The following NR5A2 variants were observed in gnomAD, a reference collection of about 807,000 sequenced individuals.
The protein encoded by NR5A2 is nuclear receptor subfamily 5 group A member 2.
In NR5A2, 26 loss-of-function variants were observed where a neutral mutation model predicts 62.7. The ratio of observed to expected loss-of-function variants is 0.41; its 90% CI spans 0.30 to 0.58. The LOEUF (loss-of-function observed/expected upper bound fraction) is 0.58. Ranked by LOEUF, NR5A2 falls within the 20% of genes least tolerant of loss-of-function variation. The pLI, the probability that NR5A2 is intolerant of heterozygous loss-of-function variation, is 0.22. For missense variants in NR5A2, 541 were observed against 669.1 expected (o/e 0.81, Z 2.11); for synonymous variants, 246 against 241.7 (o/e 1.02, Z -0.16).
intron 7 of NR5A2, among the ~76,000 whole-genome samples, chr1:200,129,938 C>T (rs1189614397): frequency 6.6e-6 from 1 of 152,178 alleles, no homozygotes; most frequent in African/African-American, 2.4e-5. Flanking sequence ...TCTGAGTGCT[C>T]CCTTCCCTCA....
intron 5 of NR5A2, among the ~76,000 whole-genome samples, chr1:200,070,404 G>C (rs772849331): frequency 7.2e-5 from 11 of 152,020 alleles, no homozygotes; most frequent in Non-Finnish European, 1.3e-4. Context: ...TAAATGAAAT[G>C]ATCAGCCAGG....
intron 5 of NR5A2, among the ~76,000 whole-genome samples, chr1:200,108,422 A>T (rs2102287978): frequency 6.6e-6 from 1 of 152,118 alleles, no homozygotes; most frequent in African/African-American, 2.4e-5. Context: ...CCTTCTGTTC[A>T]TGGCCAGAAG....
At position 200,089,619 on chromosome 1, in the gene NR5A2, G is replaced by C. The variant is rs541334574; in HGVS notation, c.1111-21583G>C. On this transcript the variant is annotated intron_variant, in intron 5 of 7. Transcript: ENST00000367362. The stretch of plus-strand genomic sequence containing the variant: ...TGAGTAGCTGAGACTATAGGCGTGT[G>C]CCACCAAGCCCAGCTACTTCTTGTA... Among the ~76,000 whole-genome samples the C allele has an allele frequency of 3.9e-5, 6 of 152,180 alleles. No homozygotes were observed. In the South Asian group the frequency reaches 1.2e-3, roughly 32 times the overall value.
chr1:200,077,822 A>G (rs1360680464), intron 5 of NR5A2, among the ~76,000 whole-genome samples: 5 of 152,220 alleles, frequency 3.3e-5, no homozygotes, highest in Non-Finnish European at 7.3e-5. Context: ...ATGGTACGTC[A>G]GTCTGGATGA....
intron 5 of NR5A2, among the ~76,000 whole-genome samples, chr1:200,066,895 A>G (rs1471697928): frequency 1.3e-5 from 2 of 152,194 alleles, no homozygotes; most frequent in African/African-American, 2.4e-5. Context: ...TCTATTTTAA[A>G]GTTTGGCAGT....
chr1:200,028,007 T>C lies in NR5A2; in HGVS notation c.64+96T>C, dbSNP rs1037300977. On this transcript the variant is annotated intron_variant, in intron 1 of 7. Transcript: ENST00000367362. ...TGGATTTTGCATTTTAAGTCATGGCTTTTCCTATTATGTTTATTAAAAGCA... is the reference window on the plus strand; with the variant it reads ...TGGATTTTGCATTTTAAGTCATGGCCTTTCCTATTATGTTTATTAAAAGCA... The C allele has an allele frequency of 3.8e-6, 3 of 783,246 alleles. No individual in the cohort carries two copies. In the African/African-American group the frequency reaches 5.3e-5, roughly 14 times the overall value. The allele number at this position is 783,246 out of a possible 1,614,324, so 48.5% of individuals were successfully genotyped here. A position where few individuals can be genotyped will look rare whatever the true frequency, so the allele number is the denominator to read the frequency against.
chr1:200,125,068 C>A (rs1036410648), intron 7 of NR5A2, among the ~76,000 whole-genome samples: 1 of 152,126 alleles, frequency 6.6e-6, no homozygotes, highest in Admixed American at 6.5e-5. Context: ...ATAAATAACT[C>A]CTCAAAATTA....
intron 1 of NR5A2, among the ~76,000 whole-genome samples, chr1:200,031,351 A>T (rs933422783): frequency 1.3e-5 from 2 of 152,032 alleles, no homozygotes; most frequent in South Asian, 2.1e-4. Context: ...AAAAAATAAA[A>T]AAATAAATAA....
intron 1 of NR5A2, among the ~76,000 whole-genome samples, chr1:200,033,121 G>T (rs754241514): frequency 1.3e-5 from 2 of 152,170 alleles, no homozygotes; most frequent in Non-Finnish European, 1.5e-5. Context: ...TGGGACAAAG[G>T]CACTTCTGGT....
chr1:200,128,952 T>C (rs981545368), intron 7 of NR5A2, among the ~76,000 whole-genome samples: 3 of 152,252 alleles, frequency 2.0e-5, no homozygotes, highest in African/African-American at 7.2e-5. Context: ...TTTTTCTTAT[T>C]TGAATTTTGT....
intron 7 of NR5A2, among the ~76,000 whole-genome samples, chr1:200,169,339 C>A (rs1199216253): frequency 1.3e-5 from 2 of 151,996 alleles, no homozygotes; most frequent in Non-Finnish European, 1.5e-5. Flanking sequence ...AAGATAATTA[C>A]CTTATCAGCA....
At chr1:200,084,598 C>T (rs1007766814) in intron 5 of NR5A2, among the ~76,000 whole-genome samples, 4 of 152,074 alleles carry the variant, frequency 2.6e-5, no homozygotes, top group Admixed American at 2.6e-4. Context: ...CTAAATGAGA[C>T]CCATTATGTA....
chr1:200,050,545 C>T (rs147055127), intron 5 of NR5A2, among the ~76,000 whole-genome samples: 1,564 of 152,038 alleles, frequency 0.01, 10 homozygotes, highest in South Asian at 0.016. Flanking sequence ...CACCCAGTAC[C>T]GGGAGTCTGG....
chr1:200,029,134 T>G (rs773339643), intron 1 of NR5A2: 7 of 437,680 alleles, frequency 1.6e-5, no homozygotes, highest in Non-Finnish European at 3.2e-5. Flanking sequence ...AGGCAAGGAG[T>G]CCTTCCCGGC....
intron 7 of NR5A2, among the ~76,000 whole-genome samples, chr1:200,168,701 T>C (rs1654030009): frequency 6.6e-6 from 1 of 152,134 alleles, no homozygotes; most frequent in Admixed American, 6.6e-5. Flanking sequence ...AGCACCAAAA[T>C]TATCCTGCCC....
intron 5 of NR5A2, among the ~76,000 whole-genome samples, chr1:200,052,280 C>G (rs528886127): frequency 6.6e-6 from 1 of 152,300 alleles, no homozygotes; most frequent in African/African-American, 2.4e-5. Context: ...AGTCCCCACC[C>G]TATCTTTCTG....
chr1:200,098,426 T>G (rs1015870880), intron 5 of NR5A2, among the ~76,000 whole-genome samples: 2 of 152,252 alleles, frequency 1.3e-5, no homozygotes, highest in African/African-American at 2.4e-5. Context: ...ATCATTAATG[T>G]ATTTCTTTGC....
At chr1:200,136,129 G>A (rs1667209715) in intron 7 of NR5A2, among the ~76,000 whole-genome samples, 3 of 152,072 alleles carry the variant, frequency 2.0e-5, no homozygotes, top group African/African-American at 7.2e-5. Flanking sequence ...TTCCTAGGTT[G>A]GTGCAGGCCC....
chr1:200,174,197 C>A lies in NR5A2; in HGVS notation c.1613C>A (p.Ala538Asp). 6.3e-7 allele frequency: 1 copy of A among 1,590,142 alleles called. No individual in the cohort carries two copies. The highest frequency in any genetic ancestry group is 8.6e-7 in the Non-Finnish European group (1 of 1,166,548). Residue 538 changes from alanine to aspartate, a missense_variant, in exon 8 of 8, where the codon GCC becomes GAC. By Grantham distance (126) the Ala-to-Asp change is moderately radical (BLOSUM62 -2). This residue lies in a region of NR5A2 where 379 missense variants were observed against 442.0 expected (regional missense o/e 0.86). Coordinates refer to ENST00000367362, the MANE Select transcript of NR5A2 (RefSeq NM_205860.3). ...YNNLLIEMLH[A>D]KRA is the part of the protein sequence containing the mutation. Reference sequence around the variant, plus strand: ...AACCTTCTCATTGAAATGTTGCATGCCAAAAGAGCATAAGTTACAACCCCT... The same window carrying A: ...AACCTTCTCATTGAAATGTTGCATGACAAAAGAGCATAAGTTACAACCCCT...
Sources: gnomAD v4.1 joint callset for allele counts (sites outside exome capture counted in the v4.1 genomes callset) on GRCh38, gnomAD v4.1.1 for gene constraint, gnomAD v4.1.1 regional missense constraint, MANE v1.5 for transcripts, NCBI Gene and HGNC (gene_info 2026-07-23, HGNC 2026-07-21) for gene names.